ZNF430: variants seen among roughly 807,000 people sequenced by gnomAD.
The protein encoded by ZNF430 is zinc finger protein 430.
ZNF430 carries 35 observed loss-of-function variants against 56.7 expected under a neutral mutation model. That is an observed-to-expected ratio of 0.62 (90% CI 0.47 to 0.82). The LOEUF (loss-of-function observed/expected upper bound fraction) is 0.82. Ranked by LOEUF, ZNF430 falls within the 40% of genes least tolerant of loss-of-function variation. The probability of loss-of-function intolerance (pLI) is 0.00; values close to 1 mark genes in which losing one functional copy is unlikely to be tolerated. For missense variants in ZNF430, 574 were observed against 661.0 expected, an observed-to-expected ratio of 0.87 and a Z score of 1.44; for synonymous variants, 212 against 224.3, an observed-to-expected ratio of 0.94 and a Z score of 0.49.
chr19:21,025,097 T>C (rs1340483319), intron 2 of ZNF430, among the ~76,000 whole-genome samples: 1 of 151,970 alleles, frequency 6.6e-6, no homozygotes, highest in Non-Finnish European at 1.5e-5. Context: ...TCAGGGTGAG[T>C]CTACAGAGTA....
chr19:21,022,430 TTTTAA>T (rs767324495), intron 1 of ZNF430, among the ~76,000 whole-genome samples: 2 of 152,242 alleles, frequency 1.3e-5, no homozygotes, highest in Non-Finnish European at 2.9e-5. Flanking sequence ...TTACACCGTA[TTTTAA>T]TTAGTTATTT....
intron 4 of ZNF430, among the ~76,000 whole-genome samples, chr19:21,055,435 T>G (rs1157340095): frequency 4.9e-5 from 7 of 141,854 alleles, no homozygotes; most frequent in East Asian, 2.0e-4. Context: ...CTTTTTTTAG[T>G]TTTTTTTTTT....
chr19:21,049,304 T>G (rs1056161805), intron 4 of ZNF430, among the ~76,000 whole-genome samples: 2 of 151,984 alleles, frequency 1.3e-5, no homozygotes, highest in Non-Finnish European at 2.9e-5. Context: ...ATGTATCTAT[T>G]AACAGATTTA....
intron 4 of ZNF430, among the ~76,000 whole-genome samples, chr19:21,055,713 C>G (rs1334489242): frequency 6.6e-6 from 1 of 152,136 alleles, no homozygotes; most frequent in East Asian, 1.9e-4. Flanking sequence ...CTTGGCCTCC[C>G]AAAGTACTGG....
chr19:21,034,339 A>G (rs1967956264), intron 4 of ZNF430, 155 bp downstream of exon 4: 3 of 550,532 alleles, frequency 5.4e-6, no homozygotes, highest in Non-Finnish European at 3.2e-6. Context: ...GCATAGGGTC[A>G]TCTTCTGTCT....
intron 4 of ZNF430, among the ~76,000 whole-genome samples, chr19:21,040,308 T>C (rs1165142959): frequency 2.0e-5 from 3 of 152,228 alleles, no homozygotes; most frequent in Non-Finnish European, 4.4e-5. Context: ...TGCTGCAATG[T>C]AATACACAAT....
At position 21,048,180 on chromosome 19, in the gene ZNF430, T is replaced by A. The variant is rs1161629798; in HGVS notation, c.323-8451T>A. Among the ~76,000 whole-genome samples, 5 of 135,240 alleles carry A rather than the reference T, an allele frequency of 3.7e-5. No individual in the cohort carries two copies. In the East Asian group the frequency reaches 8.5e-4, roughly 23 times the overall value. The allele number at this position is 135,240 out of a possible 152,430, so 88.7% of individuals were successfully genotyped here. ...ATAAAACATCTTTTTTTTTTTTTTT[T>A]TTTTTTTTTTTTTTTTAGTATTTAT... On this transcript the variant is annotated intron_variant, in intron 4 of 4. Coordinates refer to ENST00000261560, the MANE Select transcript of ZNF430 (RefSeq NM_025189.4).
chr19:21,057,446 A>G lies in ZNF430; in HGVS notation c.1138A>G (p.Lys380Glu). The G allele has an allele frequency of 6.2e-7, 1 of 1,613,828 alleles. No individual in the cohort carries two copies. The highest frequency in any genetic ancestry group is 8.5e-7 in the Non-Finnish European group (1 of 1,179,968). Reference protein sequence around the residue: ...EKPYKCEECGKAFYRFSYLTK... With the variant: ...EKPYKCEECGEAFYRFSYLTK... Reference sequence around the variant, plus strand: ...ACCTTACAAATGTGAAGAATGTGGCAAAGCTTTTTACCGATTCTCATACCT... The same window carrying G: ...ACCTTACAAATGTGAAGAATGTGGCGAAGCTTTTTACCGATTCTCATACCT... Residue 380 changes from lysine to glutamate, a missense_variant, in exon 5 of 5, where the codon AAA becomes GAA. Around this residue, in one of 3 missense-constraint regions of ZNF430, gnomAD observed 213 missense variants for 221.0 expected, o/e 0.96. Transcript: ENST00000261560.
At position 21,058,238 on chromosome 19, in the gene ZNF430, A is replaced by G; in HGVS notation, c.*217A>G. On this transcript the variant is annotated 3_prime_UTR_variant, in exon 5 of 5. Transcript: ENST00000261560. ...GACGGGTGAATTACATGAGGTTGGG[A>G]GTTCGAGACCAGCCTGACCAACATG... The G allele has an allele frequency of 1.9e-6, 1 of 536,880 alleles. No homozygotes were observed. Among genetic ancestry groups the G allele is most frequent in the Non-Finnish European group, 3.3e-6 (1 of 304,324 alleles). The allele number at this position is 536,880 out of a possible 1,614,324, so 33.3% of individuals were successfully genotyped here. A position where few individuals can be genotyped will look rare whatever the true frequency, so the allele number is the denominator to read the frequency against.
intron 4 of ZNF430, among the ~76,000 whole-genome samples, chr19:21,051,453 G>A (rs561692265): frequency 1.1e-4 from 17 of 152,000 alleles, no homozygotes; most frequent in African/African-American, 3.4e-4. Context: ...AACTTCATAT[G>A]GCCATATATG....
chr19:21,044,751 A>G (rs1246774473), intron 4 of ZNF430, among the ~76,000 whole-genome samples: 4 of 152,152 alleles, frequency 2.6e-5, no homozygotes, highest in Non-Finnish European at 4.4e-5. Context: ...TACTTCCTCA[A>G]TTCCAGAACT....
intron 2 of ZNF430, among the ~76,000 whole-genome samples, chr19:21,027,022 G>T (rs995757012): frequency 2.0e-5 from 3 of 151,754 alleles, no homozygotes; most frequent in East Asian, 3.9e-4. Flanking sequence ...GAGAGACGGG[G>T]TTTCACCATG....
rs1967945959 is a variant in ZNF430, at chr19:21,033,834, G to A, written c.223+252G>A. On this transcript the variant is annotated intron_variant, in intron 3 of 4. Coordinates refer to ENST00000261560, the MANE Select transcript of ZNF430 (RefSeq NM_025189.4). Reference sequence around the variant, plus strand: ...TAGTGGCAATTCCAGAAATTTAGTGGCATAAAATATTGTTGCCCATATCTT... The same window carrying A: ...TAGTGGCAATTCCAGAAATTTAGTGACATAAAATATTGTTGCCCATATCTT... 3 of 519,866 alleles carry A rather than the reference G, an allele frequency of 5.8e-6. No individual in the cohort carries two copies. The African/African-American group carries it at 5.9e-5, about 10-fold the overall frequency. The allele number at this position is 519,866 out of a possible 1,614,324, so 32.2% of individuals were successfully genotyped here.
At chr19:21,050,189 A>G (rs1968260927) in intron 4 of ZNF430, among the ~76,000 whole-genome samples, 1 of 45,256 alleles carries the variant, frequency 2.2e-5, no homozygotes, top group Non-Finnish European at 1.0e-4. Flanking sequence ...CAGCCCCCCT[A>G]TATTCTTCTA....
chr19:21,024,502 G>A (rs771105188), intron 2 of ZNF430, among the ~76,000 whole-genome samples: 3 of 152,122 alleles, frequency 2.0e-5, no homozygotes, highest in Non-Finnish European at 4.4e-5. Flanking sequence ...GGAGACGGCC[G>A]GATGCTGTGG....
In ZNF430 at chr19:21,057,931, C is replaced by G. The variant is rs780544914; in HGVS notation, c.1623C>G (p.Tyr541Ter). ...TAATTCATACTGGAGAGAAACCCTA[C>G]AACTGTGAAGAATACGGCAAAGCTT... The part of the protein sequence containing the change: ...HKVIHTGEKP[Y>*]NCEEYGKAFN... Residue 541 changes from tyrosine (Y) to a stop codon, truncating the protein, a stop_gained, in exon 5 of 5, where the codon TAC (tyrosine) becomes TAG (stop). Transcript: ENST00000261560. LOFTEE classifies it high-confidence loss of function. 35 of 1,613,368 alleles carry G rather than the reference C, an allele frequency of 2.2e-5. No homozygotes were observed. The East Asian group carries it at 7.8e-4, about 36-fold the overall frequency.
intron 4 of ZNF430, chr19:21,036,053 A>G (rs1967993300): frequency 6.6e-6 from 1 of 152,148 alleles, no homozygotes; most frequent in African/African-American, 2.4e-5. Flanking sequence ...ATTACTGCGC[A>G]GTTTCATATC....
chr19:21,020,909 C>T, intron 1 of ZNF430, 106 bp downstream of exon 1: 1 of 1,506,500 alleles, frequency 6.6e-7, no homozygotes. Flanking sequence ...GCTGCACAAT[C>T]TGCGCCCCGA....
chr19:21,046,733 G>T (rs577643292), intron 4 of ZNF430, among the ~76,000 whole-genome samples: 9 of 152,226 alleles, frequency 5.9e-5, no homozygotes, highest in African/African-American at 1.9e-4. Context: ...TTGTCTATAG[G>T]TGATGTGGCG....
Sources: gnomAD v4.1 joint callset for allele counts (sites outside exome capture counted in the v4.1 genomes callset) on GRCh38, gnomAD v4.1.1 for gene constraint, gnomAD v4.1.1 regional missense constraint, MANE v1.5 for transcripts, NCBI Gene and HGNC (gene_info 2026-07-23, HGNC 2026-07-21) for gene names.